Variants in NRG1 observed in about 807,000 individuals in gnomAD.
NRG1 encodes pro-neuregulin-1, membrane-bound isoform.
In NRG1, 18 loss-of-function variants were observed where a neutral mutation model predicts 63.8. The ratio of observed to expected loss-of-function variants is 0.28; its 90% CI spans 0.19 to 0.42. The LOEUF is 0.42. Ranked by LOEUF, NRG1 falls within the 10% of genes least tolerant of loss-of-function variation. NRG1 has a pLI of 1.00. For missense variants in NRG1, 762 were observed against 814.7 expected (o/e 0.94, Z 0.79); for synonymous variants, 302 against 301.3 (o/e 1.00, Z -0.02).
At chr8:32,285,507 C>T (rs1026562594) in intron 1 of NRG1, among the ~76,000 whole-genome samples, 1 of 152,180 alleles carries the variant, frequency 6.6e-6, no homozygotes, top group Non-Finnish European at 1.5e-5. Flanking sequence ...TGCTGGTAGA[C>T]CAAGTACGGA....
intron 1 of NRG1, among the ~76,000 whole-genome samples, chr8:32,364,582 C>A (rs1807692019): frequency 6.6e-6 from 1 of 152,056 alleles, no homozygotes; most frequent in Non-Finnish European, 1.5e-5. Context: ...TTGACAACCA[C>A]CCGGGTTGTT....
chr8:31,713,259 G>A, intron 1 of NRG1, among the ~76,000 whole-genome samples: 1 of 151,736 alleles, frequency 6.6e-6, no homozygotes, highest in East Asian at 1.9e-4. Flanking sequence ...TGGGACTACA[G>A]GCGCCCACCA....
intron 1 of NRG1, among the ~76,000 whole-genome samples, chr8:32,123,062 TTATGG>T (rs1298458247): frequency 6.6e-6 from 1 of 151,952 alleles, no homozygotes. Flanking sequence ...ACAATGCTGT[TTATGG>T]TATTGAAGTC....
intron 1 of NRG1, among the ~76,000 whole-genome samples, chr8:32,428,777 G>A (rs1247437802): frequency 6.6e-6 from 1 of 152,180 alleles, no homozygotes; most frequent in African/African-American, 2.4e-5. Context: ...AAAAGTAATG[G>A]ATTGTTCCAG....
chr8:32,118,583 G>C (rs1053393788), intron 1 of NRG1, among the ~76,000 whole-genome samples: 8 of 152,132 alleles, frequency 5.3e-5, no homozygotes, highest in Non-Finnish European at 1.2e-4. Context: ...AGACAGTACT[G>C]ATTATTTGTT....
chr8:31,855,125 G>A (rs1407494531), intron 1 of NRG1, among the ~76,000 whole-genome samples: 2 of 151,730 alleles, frequency 1.3e-5, no homozygotes, highest in African/African-American at 4.8e-5. Context: ...ATGTCTATTA[G>A]GTCTGCTTGG....
intron 1 of NRG1, among the ~76,000 whole-genome samples, chr8:31,867,456 G>T (rs1049282494): frequency 1.3e-5 from 2 of 150,494 alleles, no homozygotes; most frequent in Non-Finnish European, 3.0e-5. Context: ...TTAGATTTAT[G>T]TCATTCCAGT....
chr8:32,557,769 G>A (rs1384096804), intron 1 of NRG1, among the ~76,000 whole-genome samples: 7 of 152,114 alleles, frequency 4.6e-5, no homozygotes, highest in African/African-American at 7.2e-5. Context: ...GGAAATGAGC[G>A]GGTAGGTTTG....
At chr8:32,599,344 T>A (rs1261695994) in intron 2 of NRG1, among the ~76,000 whole-genome samples, 1 of 152,164 alleles carries the variant, frequency 6.6e-6, no homozygotes, top group African/African-American at 2.4e-5. Flanking sequence ...TTTGACTCTT[T>A]CCCAATCCTT....
chr8:32,461,964 C>T (rs1174227449), intron 1 of NRG1, among the ~76,000 whole-genome samples: 1 of 152,050 alleles, frequency 6.6e-6, no homozygotes, highest in Non-Finnish European at 1.5e-5. Flanking sequence ...TGCGAAGTTC[C>T]CAAAAATCTA....
At chr8:32,042,085 G>A (rs1466675083) in intron 1 of NRG1, among the ~76,000 whole-genome samples, 1 of 152,178 alleles carries the variant, frequency 6.6e-6, no homozygotes, top group African/African-American at 2.4e-5. Context: ...GTCAGAACTT[G>A]TGGACATAAC....
intron 1 of NRG1, among the ~76,000 whole-genome samples, chr8:32,423,776 G>A (rs1206901525): frequency 6.6e-6 from 1 of 152,106 alleles, no homozygotes; most frequent in African/African-American, 2.4e-5. Context: ...TTCTTAAAAT[G>A]TGGCTTTCAA....
At chr8:32,259,048 G>T (rs1401486964) in intron 1 of NRG1, among the ~76,000 whole-genome samples, 1 of 152,134 alleles carries the variant, frequency 6.6e-6, no homozygotes, top group Non-Finnish European at 1.5e-5. Context: ...TTGACTCCGG[G>T]TTATAGACTT....
intron 5 of NRG1, among the ~76,000 whole-genome samples, chr8:32,628,425 T>C (rs1489535620): frequency 6.6e-6 from 1 of 152,180 alleles, no homozygotes; most frequent in African/African-American, 2.4e-5. Flanking sequence ...CTCCAAGTTA[T>C]CTGTGAGAAA....
intron 5 of NRG1, among the ~76,000 whole-genome samples, chr8:32,698,149 T>G (rs1489220610): frequency 6.6e-6 from 1 of 150,946 alleles, no homozygotes; most frequent in Non-Finnish European, 1.5e-5. Context: ...GAGGTTGCAG[T>G]GAGCCGAGAT....
At chr8:31,921,363 A>T (rs564743216) in intron 1 of NRG1, among the ~76,000 whole-genome samples, 60 of 152,252 alleles carry the variant, frequency 3.9e-4, no homozygotes, top group African/African-American at 1.3e-3. Context: ...ATGAAGCGCT[A>T]CAGCCTGTAG....
chr8:32,726,389 A>T (rs1309903542), intron 5 of NRG1, among the ~76,000 whole-genome samples: 2 of 152,008 alleles, frequency 1.3e-5, no homozygotes, highest in Non-Finnish European at 2.9e-5. Context: ...TAAGAGTGCC[A>T]TTACCCCTCT....
intron 1 of NRG1, among the ~76,000 whole-genome samples, chr8:31,705,325 C>A (rs1249933238): frequency 1.3e-5 from 2 of 152,184 alleles, no homozygotes; most frequent in South Asian, 2.1e-4. Flanking sequence ...GGATTACAGG[C>A]GTGAGCCACC....
At position 32,043,852 on chromosome 8, in the gene NRG1, A is replaced by G. The variant is rs187615212; in HGVS notation, c.37+404421A>G. On this transcript the variant is annotated intron_variant, in intron 1 of 10. Coordinates refer to the NRG1 transcript ENST00000519301. ...TCGGTGGAATGCTAAAAATAATCCAATAACACAAAATAAGACAGAAAAGCT... is the reference window on the plus strand; with the variant it reads ...TCGGTGGAATGCTAAAAATAATCCAGTAACACAAAATAAGACAGAAAAGCT... Among the ~76,000 whole-genome samples the G allele has an allele frequency of 3.3e-3, 508 of 152,070 alleles. 1 individual carries two copies. The highest frequency in any genetic ancestry group is 5.5e-3 in the Non-Finnish European group (374 of 67,836).
Sources: gnomAD v4.1 joint callset for allele counts (sites outside exome capture counted in the v4.1 genomes callset) on GRCh38, gnomAD v4.1.1 for gene constraint, MANE v1.5 for transcripts, NCBI Gene and HGNC (gene_info 2026-07-23, HGNC 2026-07-21) for gene names.